The following G2E3 variants were observed in gnomAD, a reference collection of about 807,000 sequenced individuals.
G2E3 encodes G2/M-phase specific E3 ubiquitin protein ligase, also known as G2/M phase-specific E3 ubiquitin-protein ligase.
G2E3 carries 35 observed loss-of-function variants against 92.8 expected under a neutral mutation model. That is an observed-to-expected ratio of 0.38 (90% CI 0.29 to 0.50). G2E3 has a LOEUF of 0.50. Ranked by LOEUF, G2E3 falls within the 20% of genes least tolerant of loss-of-function variation. G2E3 has a pLI of 0.94. For synonymous variants in G2E3, 242 were observed against 272.4 expected, an observed-to-expected ratio of 0.89 and a Z score of 1.10; for missense variants, 554 against 823.8, an observed-to-expected ratio of 0.67 and a Z score of 4.01.
At chr14:30,571,944 TAAA>T (rs34718480) in intron 1 of G2E3, among the ~76,000 whole-genome samples, 1 of 144,512 alleles carries the variant, frequency 6.9e-6, no homozygotes. Context: ...GCCAGTATCT[TAAA>T]AAAAAAAAAA....
intron 3 of G2E3, among the ~76,000 whole-genome samples, chr14:30,587,805 C>A (rs1324148460): frequency 6.6e-6 from 1 of 152,156 alleles, no homozygotes; most frequent in Non-Finnish European, 1.5e-5. Flanking sequence ...AGAGAGAAAT[C>A]AAGATGGAAC....
chr14:30,607,202 A>T (rs2138900125), intron 11 of G2E3, among the ~76,000 whole-genome samples: 1 of 152,228 alleles, frequency 6.6e-6, no homozygotes, highest in Non-Finnish European at 1.5e-5. Flanking sequence ...TAATAAGTGG[A>T]TAAAGCATAA....
intron 7 of G2E3, 45 bp downstream of exon 7, chr14:30,597,571 G>T (rs927735451): frequency 2.0e-6 from 2 of 1,004,500 alleles, no homozygotes; most frequent in Middle Eastern, 2.1e-4. Context: ...TATTTTAAAT[G>T]TAGGATTTAA....
At chr14:30,562,943 C>A (rs1676981116) in intron 1 of G2E3, among the ~76,000 whole-genome samples, 1 of 152,212 alleles carries the variant, frequency 6.6e-6, no homozygotes, top group South Asian at 2.1e-4. Flanking sequence ...GGAGATGGCT[C>A]ACTGCCCCTT....
At chr14:30,594,472 G>A (rs1364736173) in intron 6 of G2E3, among the ~76,000 whole-genome samples, 2 of 149,576 alleles carry the variant, frequency 1.3e-5, no homozygotes, top group African/African-American at 2.5e-5. Context: ...GGTGGATCAC[G>A]AGGTCAGGAG....
Position 30,593,494 on chromosome 14 carries a change from G to A in G2E3, c.383G>A (p.Arg128Gln), listed in dbSNP as rs541427833. The A allele has an allele frequency of 6.6e-5, 103 of 1,550,018 alleles. 2 individuals carry two copies. The South Asian group carries it at 9.3e-4, about 14-fold the overall frequency. The change falls in exon 6 of 15, where the codon CGA becomes CAA. Residue 128 changes from arginine (R) to glutamine (Q), a missense_variant. Transcript: ENST00000206595. Reference sequence around the variant, plus strand: ...TTTAGGTCATTTTGTTGGGACCATCGACCTGTTCAAATAATTACATCTAAT... The same window carrying A: ...TTTAGGTCATTTTGTTGGGACCATCAACCTGTTCAAATAATTACATCTAAT... ...GNFASFCWDH[R>Q]PVQIITSNNY... is the part of the protein sequence containing the mutation.
At chr14:30,594,515 C>T (rs1169434776) in intron 6 of G2E3, among the ~76,000 whole-genome samples, 4 of 151,614 alleles carry the variant, frequency 2.6e-5, no homozygotes, top group Non-Finnish European at 5.9e-5. Context: ...CGGTGAAACC[C>T]CGTCTCTACT....
At chr14:30,592,212 A>G in intron 4 of G2E3, 111 bp from the exon 5 acceptor site, 1 of 933,054 alleles carries the variant, frequency 1.1e-6, no homozygotes, top group Non-Finnish European at 1.7e-6. Context: ...CAGCTGTTAC[A>G]TGATGAAATA....
At chr14:30,585,476 T>C (rs1381005138) in intron 2 of G2E3, among the ~76,000 whole-genome samples, 1 of 152,174 alleles carries the variant, frequency 6.6e-6, no homozygotes, top group African/African-American at 2.4e-5. Context: ...TAGATGTATA[T>C]ATTTATTTCT....
At chr14:30,575,859 A>G (rs1880053923) in intron 1 of G2E3, among the ~76,000 whole-genome samples, 1 of 152,214 alleles carries the variant, frequency 6.6e-6, no homozygotes, top group Admixed American at 6.5e-5. Context: ...CTGCTCAAAG[A>G]AATCAGAGAA....
intron 5 of G2E3, among the ~76,000 whole-genome samples, chr14:30,593,121 G>C (rs1721477148): frequency 6.6e-6 from 1 of 152,064 alleles, no homozygotes; most frequent in Non-Finnish European, 1.5e-5. Context: ...GTAAGTTCCT[G>C]CCTCCCTTAA....
chr14:30,560,794 C>T (rs1594452778), intron 1 of G2E3: 2 of 702,068 alleles, frequency 2.8e-6, no homozygotes, highest in East Asian at 2.7e-5. Flanking sequence ...GATTCTGAAT[C>T]AGTAGGTCTG....
intron 14 of G2E3, among the ~76,000 whole-genome samples, chr14:30,615,885 A>G (rs972431722): frequency 5.3e-5 from 8 of 152,142 alleles, no homozygotes; most frequent in African/African-American, 1.4e-4. Context: ...TTCTTCACCC[A>G]CTGGTCAGGG....
chr14:30,618,836 T>G lies in G2E3; in HGVS notation c.*2302T>G, dbSNP rs755107687. ...TTATAATTGTTCTTTTCTTATTAATTTTATAACCAGTGCATAATTCTTACA... is the reference window on the plus strand; with the variant it reads ...TTATAATTGTTCTTTTCTTATTAATGTTATAACCAGTGCATAATTCTTACA... On this transcript the variant is annotated 3_prime_UTR_variant, in exon 15 of 15. Coordinates refer to ENST00000206595, the MANE Select transcript of G2E3 (RefSeq NM_017769.5). 5.9e-5 allele frequency: 9 copies of G among 152,098 alleles called. No homozygotes were observed. Among genetic ancestry groups the G allele is most frequent in the Non-Finnish European group, 1.0e-4 (7 of 67,928 alleles). 9.4% of individuals were successfully genotyped at this position (152,098 alleles called of 1,614,324 possible). A position where few individuals can be genotyped will look rare whatever the true frequency, so the allele number is the denominator to read the frequency against.
intron 12 of G2E3, among the ~76,000 whole-genome samples, chr14:30,609,140 C>T (rs889671143): frequency 6.6e-6 from 1 of 152,208 alleles, no homozygotes; most frequent in African/African-American, 2.4e-5. Context: ...CAGTGTATTA[C>T]AACAATTCTG....
At chr14:30,591,131 AC>A (rs897566942) in intron 4 of G2E3, among the ~76,000 whole-genome samples, 11 of 152,132 alleles carry the variant, frequency 7.2e-5, no homozygotes, top group Non-Finnish European at 1.5e-4. Flanking sequence ...TATATTGTGA[AC>A]CCTTGAAAAG....
chr14:30,614,416 G>C (rs1882224356), intron 13 of G2E3, among the ~76,000 whole-genome samples: 1 of 152,226 alleles, frequency 6.6e-6, no homozygotes, highest in African/African-American at 2.4e-5. Context: ...CATTGTGGAA[G>C]AGCAAGTGAG....
intron 8 of G2E3, among the ~76,000 whole-genome samples, chr14:30,599,242 T>C (rs1215800211): frequency 6.6e-6 from 1 of 152,176 alleles, no homozygotes; most frequent in Admixed American, 6.5e-5. Context: ...TGTTTGTTTG[T>C]TTTGAGATGG....
At chr14:30,574,045 A>T (rs191857319) in intron 1 of G2E3, among the ~76,000 whole-genome samples, 1 of 152,304 alleles carries the variant, frequency 6.6e-6, no homozygotes, top group Non-Finnish European at 1.5e-5. Flanking sequence ...CAAGAAAAGT[A>T]CAAAGAACTA....
Sources: gnomAD v4.1 joint callset for allele counts (sites outside exome capture counted in the v4.1 genomes callset) on GRCh38, gnomAD v4.1.1 for gene constraint, MANE v1.5 for transcripts, NCBI Gene and HGNC (gene_info 2026-07-23, HGNC 2026-07-21) for gene names.